THBS4: variants seen among roughly 807,000 people sequenced by gnomAD.
THBS4 encodes thrombospondin-4.
A neutral mutation model predicts 115.7 loss-of-function variants in THBS4; 90 were observed. The ratio of observed to expected loss-of-function variants is 0.78; its 90% confidence interval spans 0.66 to 0.93. The LOEUF is 0.93. Ranked by LOEUF, THBS4 falls within the 40% of genes least tolerant of loss-of-function variation. The pLI, the probability that THBS4 is intolerant of heterozygous loss-of-function variation, is 0.00. For missense variants in THBS4, 1,087 were observed against 1,232.7 expected (o/e 0.88, Z 1.77); for synonymous variants, 460 against 479.3 (o/e 0.96, Z 0.53).
intron 2 of THBS4, among the ~76,000 whole-genome samples, chr5:80,016,830 A>G (rs951440639): frequency 6.6e-6 from 1 of 152,236 alleles, no homozygotes; most frequent in African/African-American, 2.4e-5. Flanking sequence ...AACTGATTCA[A>G]AACGGATAGA....
intron 16 of THBS4, 30 bp downstream of exon 16, chr5:80,077,078 C>T (rs987378059): frequency 6.6e-7 from 1 of 1,519,392 alleles, no homozygotes; most frequent in Non-Finnish European, 8.8e-7. Flanking sequence ...AGCTGCACAG[C>T]ACCCCTGGGC....
rs1449249561 is a variant in THBS4 at position 80,070,368 on chromosome 5, C to A, written c.1410C>A (p.Tyr470Ter). 6.2e-7 allele frequency: 1 copy of A among 1,612,990 alleles called. No homozygotes were observed. Among genetic ancestry groups the A allele is most frequent in the Non-Finnish European group, 8.5e-7 (1 of 1,179,420 alleles). Residue 470 changes from tyrosine (Y) to a stop codon, truncating the protein, a stop_gained, in exon 11 of 22, where the codon TAC becomes TAA. Transcript: ENST00000350881. LOFTEE classifies it high-confidence loss of function. The stretch of plus-strand genomic sequence containing the variant: ...GAAAGGATGTGGACATCGACAGTTA[C>A]CCCGACGAAGAACTGCCATGCTCTG... ...ICGKDVDIDS[Y>*]PDEELPCSAR...
intron 2 of THBS4, among the ~76,000 whole-genome samples, chr5:80,041,058 C>T (rs1347668645): frequency 1.3e-5 from 2 of 152,228 alleles, no homozygotes; most frequent in African/African-American, 4.8e-5. Context: ...ATATGCCTCC[C>T]ACAAGGCCCT....
intron 1 of THBS4, among the ~76,000 whole-genome samples, chr5:79,995,531 A>T (rs181266114): frequency 6.6e-6 from 1 of 151,940 alleles, no homozygotes; most frequent in Admixed American, 6.6e-5. Context: ...TTTTTGAAAG[A>T]GACGACATGG....
chr5:80,054,414 A>G (rs555103281), intron 2 of THBS4, among the ~76,000 whole-genome samples: 159 of 146,568 alleles, frequency 1.1e-3, no homozygotes, highest in Non-Finnish European at 1.6e-3. Context: ...TCCACCTCCC[A>G]GGTTCAAGCA....
At chr5:80,068,172 TAAC>T (rs775496065) in intron 10 of THBS4, 47 bp downstream of exon 10, 1 of 1,604,818 alleles carries the variant, frequency 6.2e-7, no homozygotes, top group Admixed American at 1.7e-5. Context: ...CTTCCATTTT[TAAC>T]ACCACCTCTC....
intron 7 of THBS4, among the ~76,000 whole-genome samples, chr5:80,060,407 T>G (rs1466895847): frequency 6.6e-6 from 1 of 152,078 alleles, no homozygotes; most frequent in Admixed American, 6.5e-5. Context: ...AGGAGGCACA[T>G]CCAGCAAATA....
At chr5:80,064,085 A>T (rs2112111805) in intron 8 of THBS4, among the ~76,000 whole-genome samples, 1 of 152,354 alleles carries the variant, frequency 6.6e-6, no homozygotes. Flanking sequence ...GAACCACCTT[A>T]TCAATTACAA....
intron 2 of THBS4, among the ~76,000 whole-genome samples, chr5:80,047,858 G>A (rs1375760758): frequency 1.3e-5 from 2 of 151,878 alleles, no homozygotes; most frequent in African/African-American, 2.4e-5. Flanking sequence ...TGTTGGCCAG[G>A]CTGGTCTCAA....
chr5:80,076,779 A>T, intron 15 of THBS4, 76 bp from the exon 16 acceptor site: 9 of 1,323,832 alleles, frequency 6.8e-6, no homozygotes, highest in Non-Finnish European at 9.0e-6. Flanking sequence ...TCAAGCACAG[A>T]CTCTCCTTCC....
At chr5:79,996,766 C>T (rs895569671) in intron 1 of THBS4, among the ~76,000 whole-genome samples, 15 of 152,074 alleles carry the variant, frequency 9.9e-5, no homozygotes, top group Admixed American at 3.9e-4. Flanking sequence ...TATAATCTGA[C>T]ATTGTGCTGA....
intron 9 of THBS4, chr5:80,066,944 G>A (rs1833849717): frequency 6.6e-6 from 1 of 152,200 alleles, no homozygotes; most frequent in Non-Finnish European, 1.5e-5. Context: ...ATCGAGACAA[G>A]TCATTGGAAA....
intron 2 of THBS4, among the ~76,000 whole-genome samples, chr5:80,016,129 C>T (rs1164360398): frequency 6.6e-6 from 1 of 152,214 alleles, no homozygotes; most frequent in Non-Finnish European, 1.5e-5. Flanking sequence ...CTGTGTCACA[C>T]ATTCCCAAAC....
At chr5:80,001,332 A>T (rs554344164) in intron 2 of THBS4, among the ~76,000 whole-genome samples, 2 of 152,334 alleles carry the variant, frequency 1.3e-5, no homozygotes, top group South Asian at 4.1e-4. Flanking sequence ...TCTTCCTCAC[A>T]ATAACTGAAG....
chr5:80,055,694 C>T lies in THBS4; in HGVS notation c.293-91C>T. The T allele has an allele frequency of 3.9e-6, 6 of 1,520,166 alleles. No individual in the cohort carries two copies. The Admixed American group carries it at 1.2e-4, about 30-fold the overall frequency. The allele number at this position is 1,520,166 out of a possible 1,614,324, so 94.2% of individuals were successfully genotyped here. A position where few individuals can be genotyped will look rare whatever the true frequency, so the allele number is the denominator to read the frequency against. On this transcript the variant is annotated intron_variant, in intron 2 of 21. Coordinates refer to ENST00000350881, the MANE Select transcript of THBS4 (RefSeq NM_003248.6). ...CCAGTCTTGTTACCAGGAGGCTGTT[C>T]AGCACAGGACACTTATCACACCATT...
At chr5:80,017,188 A>G (rs1387366775) in intron 2 of THBS4, among the ~76,000 whole-genome samples, 4 of 152,210 alleles carry the variant, frequency 2.6e-5, no homozygotes, top group Non-Finnish European at 5.9e-5. Context: ...AAAAGCATAC[A>G]TGAAATTATA....
intron 12 of THBS4, 85 bp downstream of exon 12, chr5:80,070,835 A>G: frequency 6.4e-7 from 1 of 1,566,872 alleles, no homozygotes; most frequent in Non-Finnish European, 8.8e-7. Context: ...ATGTATATGA[A>G]TCATCCCAAA....
intron 2 of THBS4, among the ~76,000 whole-genome samples, chr5:80,017,838 G>A (rs1052458292): frequency 2.0e-5 from 3 of 151,930 alleles, no homozygotes; most frequent in Non-Finnish European, 4.4e-5. Context: ...ATTCTTAAAC[G>A]ATCTTTTTAC....
chr5:80,046,215 C>G (rs1456024271), intron 2 of THBS4, among the ~76,000 whole-genome samples: 3 of 152,084 alleles, frequency 2.0e-5, no homozygotes, highest in Admixed American at 6.6e-5. Context: ...GAGTGTTCTT[C>G]AAATTGTCAA....
Sources: allele counts gnomAD v4.1 joint callset (sites outside exome capture counted in the v4.1 genomes callset), GRCh38; gene constraint gnomAD v4.1.1; transcripts MANE v1.5; gene names NCBI Gene and HGNC (gene_info 2026-07-23, HGNC 2026-07-21).